MAF: variants seen among roughly 807,000 people sequenced by gnomAD.
The protein encoded by MAF is MAF bZIP transcription factor.
Under a neutral mutation model 22.0 loss-of-function variants are expected in MAF, and 10 were observed. The observed-to-expected ratio is 0.45, with a 90% CI of 0.28 to 0.77. MAF has a LOEUF of 0.77. Among genes scored for constraint, MAF ranks in the 30% least tolerant of loss-of-function variants. MAF has a pLI of 0.12. For missense variants in MAF, 544 were observed against 548.4 expected (o/e 0.99, Z 0.08); for synonymous variants, 337 against 255.8 (o/e 1.32, Z -3.03).
the MAF span, among the ~76,000 whole-genome samples, chr16:79,249,900 G>A: frequency 1.3e-5 from 2 of 152,114 alleles, no homozygotes; most frequent in Non-Finnish European, 2.9e-5. Flanking sequence ...ACTGCACGTA[G>A]CCCAGTGCCT....
At chr16:79,580,915 G>C (rs1195202072), downstream of MAF, among the ~76,000 whole-genome samples, 2 of 152,098 alleles carry the variant, frequency 1.3e-5, no homozygotes, top group African/African-American at 2.4e-5. Flanking sequence ...AGAACTTCAA[G>C]TATGTGCTAC....
chr16:79,521,467 G>A, the MAF span, among the ~76,000 whole-genome samples: 3 of 152,214 alleles, frequency 2.0e-5, no homozygotes, highest in Admixed American at 1.3e-4. Flanking sequence ...TCCTCAGGAC[G>A]CATTTCGTAC....
chr16:79,475,126 C>A, the MAF span, among the ~76,000 whole-genome samples: 1 of 152,160 alleles, frequency 6.6e-6, no homozygotes, highest in Non-Finnish European at 1.5e-5. Context: ...CAGCAGTGTC[C>A]CTTCTCTTTG....
At chr16:79,499,590 G>A in the MAF span, among the ~76,000 whole-genome samples, 1 of 152,144 alleles carries the variant, frequency 6.6e-6, no homozygotes, top group East Asian at 1.9e-4. Flanking sequence ...TGGGGTTAGT[G>A]CCTTTATAAA....
At chr16:79,577,176 A>G in the MAF span, among the ~76,000 whole-genome samples, 1 of 152,126 alleles carries the variant, frequency 6.6e-6, no homozygotes, top group Non-Finnish European at 1.5e-5. Flanking sequence ...GATCAAGACC[A>G]CTGGCAGCCA....
chr16:79,357,288 C>CAA, the MAF span, among the ~76,000 whole-genome samples: 181 of 133,658 alleles, frequency 1.4e-3, 4 homozygotes, highest in African/African-American at 5.8e-3. Context: ...ACAACAACAA[C>CAA]AACAACAACA....
At chr16:79,502,950 T>C in the MAF span, among the ~76,000 whole-genome samples, 9 of 151,466 alleles carry the variant, frequency 5.9e-5, no homozygotes, top group Admixed American at 2.0e-4. Flanking sequence ...TAAATATAAT[T>C]AAGCCTCAAT....
chr16:79,518,237 A>C, the MAF span, among the ~76,000 whole-genome samples: 1 of 152,182 alleles, frequency 6.6e-6, no homozygotes, highest in Non-Finnish European at 1.5e-5. Context: ...TCACCCAAGG[A>C]ACATGAACCT....
At chr16:79,578,145 T>C in the MAF span, among the ~76,000 whole-genome samples, 4 of 152,242 alleles carry the variant, frequency 2.6e-5, no homozygotes, top group Non-Finnish European at 5.9e-5. Context: ...TTTAAAATGA[T>C]CACTTTTTTA....
chr16:79,594,382 A>C lies in MAF; in HGVS notation c.*78T>G. 2 of 1,260,610 alleles carry C rather than the reference A, an allele frequency of 1.6e-6. No homozygotes were observed. Among genetic ancestry groups the C allele is most frequent in the Non-Finnish European group, 2.3e-6 (2 of 882,850 alleles). 78.1% of individuals were successfully genotyped at this position (1,260,610 alleles called of 1,614,324 possible). ...TTAAAAAGGAGACTAAACAGAAGTC[A>C]GGGGTAGGTGGTTCTCCATGACTGC... On this transcript the variant is annotated 3_prime_UTR_variant, in exon 2 of 2. Transcript: ENST00000326043.
the MAF span, among the ~76,000 whole-genome samples, chr16:79,266,490 G>C: frequency 3.3e-5 from 5 of 152,132 alleles, no homozygotes; most frequent in African/African-American, 1.2e-4. Context: ...AAGATGGAAA[G>C]AAAGAAGTTG....
At chr16:79,279,580 A>C in the MAF span, among the ~76,000 whole-genome samples, 3 of 152,030 alleles carry the variant, frequency 2.0e-5, no homozygotes, top group Non-Finnish European at 2.9e-5. Context: ...GAAGCTGGAG[A>C]GAGGGACATT....
At chr16:79,551,404 C>T in the MAF span, among the ~76,000 whole-genome samples, 1 of 152,320 alleles carries the variant, frequency 6.6e-6, no homozygotes, top group East Asian at 1.9e-4. Flanking sequence ...AGCGCATGCC[C>T]TGTGGGTAAT....
the MAF span, among the ~76,000 whole-genome samples, chr16:79,387,836 G>A: frequency 4.8e-4 from 73 of 152,238 alleles, no homozygotes; most frequent in East Asian, 2.9e-3. Flanking sequence ...ACTTCATCAC[G>A]TGAGGATTCC....
the MAF span, among the ~76,000 whole-genome samples, chr16:79,250,813 T>G: frequency 6.6e-6 from 1 of 152,164 alleles, no homozygotes; most frequent in Non-Finnish European, 1.5e-5. Flanking sequence ...CTGGCTTTAC[T>G]AGGGGGATCA....
chr16:79,478,087 A>G, the MAF span, among the ~76,000 whole-genome samples: 1 of 152,206 alleles, frequency 6.6e-6, no homozygotes, highest in African/African-American at 2.4e-5. Context: ...AAATAAGAAG[A>G]CTAAAGCTTA....
chr16:79,578,964 A>G, the MAF span, among the ~76,000 whole-genome samples: 1 of 152,336 alleles, frequency 6.6e-6, no homozygotes, highest in African/African-American at 2.4e-5. Context: ...GGACCCTTCC[A>G]GTAACAACAA....
the MAF span, among the ~76,000 whole-genome samples, chr16:79,413,435 C>T: frequency 1.8e-4 from 26 of 147,988 alleles, no homozygotes; most frequent in South Asian, 4.5e-4. Flanking sequence ...TTAGTAGAGA[C>T]GGGGTTTCAC....
the MAF span, among the ~76,000 whole-genome samples, chr16:79,248,023 T>G: frequency 1.3e-5 from 2 of 152,182 alleles, no homozygotes; most frequent in African/African-American, 4.8e-5. Flanking sequence ...CTAAACTGAG[T>G]GACTCCTAAC....
Sources: allele counts gnomAD v4.1 joint callset (sites outside exome capture counted in the v4.1 genomes callset), GRCh38; gene constraint gnomAD v4.1.1; transcripts MANE v1.5; gene names NCBI Gene and HGNC (gene_info 2026-07-23, HGNC 2026-07-21).